CEP41: variants seen among roughly 807,000 people sequenced by gnomAD.
The protein encoded by CEP41 is centrosomal protein of 41 kDa.
CEP41 carries 32 observed loss-of-function variants against 44.3 expected under a neutral mutation model. The ratio of observed to expected loss-of-function variants is 0.72; its 90% confidence interval spans 0.54 to 0.97. The LOEUF is 0.97. Ranked by LOEUF, CEP41 falls within the 50% of genes least tolerant of loss-of-function variation. The probability of loss-of-function intolerance (pLI) is 0.00; values close to 1 mark genes in which losing one functional copy is unlikely to be tolerated. For synonymous variants in CEP41, 151 were observed against 168.5 expected, an observed-to-expected ratio of 0.90 and a Z score of 0.80; for missense variants, 432 against 455.2, an observed-to-expected ratio of 0.95 and a Z score of 0.46.
Position 130,398,582 on chromosome 7 carries a change from A to C in CEP41, c.*309T>G. The C allele has an allele frequency of 1.9e-6, 1 of 529,076 alleles. No homozygotes were observed. The highest frequency in any genetic ancestry group is 1.5e-5 in the South Asian group (1 of 65,168). The allele number at this position is 529,076 out of a possible 1,614,324, so 32.8% of individuals were successfully genotyped here. A position where few individuals can be genotyped will look rare whatever the true frequency, so the allele number is the denominator to read the frequency against. On this transcript the variant is annotated 3_prime_UTR_variant, in exon 11 of 11. Coordinates refer to ENST00000223208, the MANE Select transcript of CEP41 (RefSeq NM_018718.3). ...AGCTGGACCTTATTAAAAAAAAACA[A>C]AACAAAAAAACTAAAAACGTAGATA...
Position 130,396,470 on chromosome 7 carries a change from A to G in CEP41, c.*2421T>C, listed in dbSNP as rs782081483. 3 of 454,380 alleles carry G rather than the reference A, an allele frequency of 6.6e-6. No individual in the cohort carries two copies. Among genetic ancestry groups the G allele is most frequent in the Admixed American group, 2.3e-5 (1 of 42,554 alleles). The allele number at this position is 454,380 out of a possible 1,614,324, so 28.1% of individuals were successfully genotyped here. On this transcript the variant is annotated 3_prime_UTR_variant, in exon 11 of 11. Transcript: ENST00000223208. Reference sequence around the variant, plus strand: ...CACCAGTCTCCTGTGGCTCCCCCAAATCATCTCGACAGAAAAGAAGAGAGA... The same window carrying G: ...CACCAGTCTCCTGTGGCTCCCCCAAGTCATCTCGACAGAAAAGAAGAGAGA...
At chr7:130,421,171 GA>G in intron 2 of CEP41, 1 of 985,314 alleles carries the variant, frequency 1.0e-6, no homozygotes, top group Non-Finnish European at 1.2e-6. Context: ...TTCAGTGAAT[GA>G]GTCATTCATT....
At chr7:130,440,880 C>T (rs554481942) in intron 1 of CEP41, 54 bp downstream of exon 1, 10 of 1,596,638 alleles carry the variant, frequency 6.3e-6, no homozygotes, top group African/African-American at 5.3e-5. Flanking sequence ...CCCACATGAG[C>T]CTTTTCCGGT....
rs527887930 is a variant in CEP41, at chr7:130,440,006, C to T, written c.33+928G>A. On this transcript the variant is annotated intron_variant, in intron 1 of 10. Coordinates refer to ENST00000223208, the MANE Select transcript of CEP41 (RefSeq NM_018718.3). The stretch of plus-strand genomic sequence containing the variant: ...TCTGTTCACAGGCTCCTTCACTAGA[C>T]GCAATTTATTTATTGTTTATTTTTA... Among the ~76,000 whole-genome samples, 142 of 152,162 alleles carry T rather than the reference C, an allele frequency of 9.3e-4. 1 individual carries two copies. Among genetic ancestry groups the T allele is most frequent in the Non-Finnish European group, 1.6e-3 (107 of 67,974 alleles).
intron 7 of CEP41, 109 bp downstream of exon 7, chr7:130,402,539 T>C: frequency 8.3e-7 from 1 of 1,200,714 alleles, no homozygotes; most frequent in South Asian, 1.2e-5. Context: ...CCAGCTAACA[T>C]ACGGTTTCCT....
At chr7:130,441,407 C>T (rs1414757751), upstream of CEP41, among the ~76,000 whole-genome samples, 1 of 152,236 alleles carries the variant, frequency 6.6e-6, no homozygotes, top group Non-Finnish European at 1.5e-5. Flanking sequence ...CCGTTTCAAC[C>T]AAACATCTGG....
intron 1 of CEP41, among the ~76,000 whole-genome samples, chr7:130,438,871 G>C (rs1554426837): frequency 6.6e-6 from 1 of 151,690 alleles, no homozygotes; most frequent in Non-Finnish European, 1.5e-5. Flanking sequence ...TTGATGTTTT[G>C]GTATATACAC....
rs1178536027 is a variant in CEP41, at chr7:130,421,844, G to T, written c.98-4878C>A. ...TGGTTTGGAAAGTGTCCCTTAATCA[G>T]CCTGCAGTGCTGCAAAACAGAAACC... On this transcript the variant is annotated intron_variant, in intron 2 of 10. Coordinates refer to ENST00000223208, the MANE Select transcript of CEP41 (RefSeq NM_018718.3). 4.2e-6 allele frequency: 6 copies of T among 1,439,170 alleles called. No individual in the cohort carries two copies. The African/African-American group carries it at 8.6e-5, about 21-fold the overall frequency. The allele number at this position is 1,439,170 out of a possible 1,614,324, so 89.2% of individuals were successfully genotyped here.
Position 130,397,569 on chromosome 7 carries a change from AC to A in CEP41, c.*1321del, listed in dbSNP as rs568681917. ...AAATAGTACTGTTAAGGCAAATCTT[AC>A]CCCGTAGCAGTTACCAGCAGGACAG... On this transcript the variant is annotated 3_prime_UTR_variant, in exon 11 of 11. Coordinates refer to ENST00000223208, the MANE Select transcript of CEP41 (RefSeq NM_018718.3). 2.1e-4 allele frequency: 88 copies of A among 411,996 alleles called. 1 individual carries two copies. The highest frequency in any genetic ancestry group is 1.2e-3 in the South Asian group (78 of 62,904). The allele number at this position is 411,996 out of a possible 1,614,324, so 25.5% of individuals were successfully genotyped here.
rs1796688394 is a variant in CEP41, at chr7:130,397,200, A to C, written c.*1691T>G. ...GGCTGAACTAAGTTCTCAGGCAATA[A>C]ATTTATGGGGAAACATGACAGGCTC... On this transcript the variant is annotated 3_prime_UTR_variant, in exon 11 of 11. Transcript: ENST00000223208. 2.2e-6 allele frequency: 1 copy of C among 454,530 alleles called. No homozygotes were observed. The highest frequency in any genetic ancestry group is 1.6e-5 in the South Asian group (1 of 64,476). The allele number at this position is 454,530 out of a possible 1,614,324, so 28.2% of individuals were successfully genotyped here. A position where few individuals can be genotyped will look rare whatever the true frequency, so the allele number is the denominator to read the frequency against.
chr7:130,436,185 G>A (rs1797958386), intron 1 of CEP41, among the ~76,000 whole-genome samples: 1 of 151,840 alleles, frequency 6.6e-6, no homozygotes, highest in Non-Finnish European at 1.5e-5. Context: ...CAAAAAAACT[G>A]CTGTACATTC....
chr7:130,416,822 G>C, intron 3 of CEP41, 97 bp downstream of exon 3: 1 of 960,046 alleles, frequency 1.0e-6, no homozygotes, highest in Middle Eastern at 2.1e-4. Context: ...ATAGCTCTCT[G>C]TGCCTGTCAC....
intron 2 of CEP41, among the ~76,000 whole-genome samples, chr7:130,417,905 ATAG>A (rs1207546858): frequency 6.6e-6 from 1 of 152,246 alleles, no homozygotes; most frequent in Non-Finnish European, 1.5e-5. Context: ...CTTTCAATTA[ATAG>A]TAGCATGAAC....
chr7:130,397,253 G>A lies in CEP41; in HGVS notation c.*1638C>T, dbSNP rs1013727675. 4 of 454,370 alleles carry A rather than the reference G, an allele frequency of 8.8e-6. No homozygotes were observed. Among genetic ancestry groups the A allele is most frequent in the Admixed American group, 4.7e-5 (2 of 42,548 alleles). The allele number at this position is 454,370 out of a possible 1,614,324, so 28.1% of individuals were successfully genotyped here. A position where few individuals can be genotyped will look rare whatever the true frequency, so the allele number is the denominator to read the frequency against. ...CATTAAAGCTATGTGTACGTTGGCTGAATTTTATACAAGATTCTTGAATCT... is the reference window on the plus strand; with the variant it reads ...CATTAAAGCTATGTGTACGTTGGCTAAATTTTATACAAGATTCTTGAATCT... On this transcript the variant is annotated 3_prime_UTR_variant, in exon 11 of 11. Coordinates refer to ENST00000223208, the MANE Select transcript of CEP41 (RefSeq NM_018718.3).
chr7:130,422,146 A>G (rs1355494452), intron 2 of CEP41: 20 of 995,128 alleles, frequency 2.0e-5, no homozygotes, highest in Non-Finnish European at 2.7e-5. Context: ...GGAGGAAGAT[A>G]GCAGTCTTTG....
At chr7:130,440,782 GCCCGCCCCGCCCCTGCATCCCGA>G in intron 1 of CEP41, 129 bp downstream of exon 1, 1 of 531,118 alleles carries the variant, frequency 1.9e-6, no homozygotes, top group South Asian at 1.7e-5. Flanking sequence ...CCCAAGCCCG[GCCCGCCCCGCCCCTGCATCCCGA>G]CCCCTCCTCA....
Position 130,395,260 on chromosome 7 carries a change from A to C in CEP41, c.*3631T>G. The C allele has an allele frequency of 2.2e-6, 1 of 453,160 alleles. No individual in the cohort carries two copies. The highest frequency in any genetic ancestry group is 2.4e-5 in the Admixed American group (1 of 42,532). The allele number at this position is 453,160 out of a possible 1,614,324, so 28.1% of individuals were successfully genotyped here. ...GTTATTTATTGCTTTTGCATGAAAA[A>C]ATAATTGTTAGTGAAAAATTAATGG... On this transcript the variant is annotated 3_prime_UTR_variant, in exon 11 of 11. Coordinates refer to ENST00000223208, the MANE Select transcript of CEP41 (RefSeq NM_018718.3).
chr7:130,440,148 T>C (rs1222860259), intron 1 of CEP41, among the ~76,000 whole-genome samples: 1 of 151,932 alleles, frequency 6.6e-6, no homozygotes, highest in East Asian at 1.9e-4. Context: ...GCCTACCGAG[T>C]AGCTGGGATT....
Position 130,399,068 on chromosome 7 carries a change from G to A in CEP41, c.974-29C>T, listed in dbSNP as rs185223890. ...AAGGGAGCAAGAAAGAAGGAACAGAGCTGCAAGAATGATTCCAGGGACAAT... is the reference window on the plus strand; with the variant it reads ...AAGGGAGCAAGAAAGAAGGAACAGAACTGCAAGAATGATTCCAGGGACAAT... On this transcript the variant is annotated intron_variant, in intron 10 of 10. Transcript: ENST00000223208. 13 of 1,612,416 alleles carry A rather than the reference G, an allele frequency of 8.1e-6. No homozygotes were observed. In the East Asian group the frequency reaches 2.7e-4, roughly 33 times the overall value.
Sources: gnomAD v4.1 joint callset for allele counts (sites outside exome capture counted in the v4.1 genomes callset) on GRCh38, gnomAD v4.1.1 for gene constraint, MANE v1.5 for transcripts, NCBI Gene and HGNC (gene_info 2026-07-23, HGNC 2026-07-21) for gene names.